Variants in KDM1A observed in about 807,000 individuals in gnomAD.
KDM1A encodes lysine-specific histone demethylase 1A.
Under a neutral mutation model 109.4 loss-of-function variants are expected in KDM1A, and 49 were observed. The ratio of observed to expected loss-of-function variants is 0.45; its 90% CI spans 0.36 to 0.57. KDM1A has a LOEUF of 0.57. KDM1A is among the 20% of genes least tolerant of loss of function. The probability of loss-of-function intolerance (pLI) is 0.00; values close to 1 mark genes in which losing one functional copy is unlikely to be tolerated. For missense variants in KDM1A, 668 were observed against 1,116.6 expected (o/e 0.60, Z 5.73); for synonymous variants, 380 against 415.4 (o/e 0.91, Z 1.04).
intron 15 of KDM1A, 126 bp from the exon 16 acceptor site, chr1:23,077,101 CT>C: frequency 1.2e-6 from 1 of 834,280 alleles, no homozygotes. Flanking sequence ...GTGATTTGTT[CT>C]TTAGTTTGCC....
chr1:23,082,065 T>C, intron 19 of KDM1A, 155 bp from the exon 20 acceptor site: 1 of 712,514 alleles, frequency 1.4e-6, no homozygotes, highest in Non-Finnish European at 2.3e-6. Flanking sequence ...CCATGTGTGT[T>C]TTAAAGCAGG....
intron 3 of KDM1A, among the ~76,000 whole-genome samples, chr1:23,047,289 T>A (rs1415276908): frequency 6.6e-6 from 1 of 152,160 alleles, no homozygotes; most frequent in African/African-American, 2.4e-5. Flanking sequence ...AAAATAAGTA[T>A]CCCTAAACAC....
chr1:23,050,082 T>C (rs151252212), intron 3 of KDM1A, among the ~76,000 whole-genome samples: 14 of 152,358 alleles, frequency 9.2e-5, no homozygotes, highest in Admixed American at 8.5e-4. Context: ...TTAAATTTTA[T>C]TGTACACCTG....
intron 2 of KDM1A, among the ~76,000 whole-genome samples, chr1:23,041,216 G>C (rs968707742): frequency 6.6e-6 from 1 of 152,082 alleles, no homozygotes; most frequent in Non-Finnish European, 1.5e-5. Context: ...GGAGAAGTAG[G>C]CATCTTCAAA....
At chr1:23,022,895 G>A (rs1641683459) in intron 1 of KDM1A, among the ~76,000 whole-genome samples, 1 of 151,838 alleles carries the variant, frequency 6.6e-6, no homozygotes, top group African/African-American at 2.4e-5. Flanking sequence ...CTGGCCTCAA[G>A]CCATCCACCC....
chr1:23,039,623 CCTT>C (rs1239631480), intron 2 of KDM1A, among the ~76,000 whole-genome samples: 7 of 152,326 alleles, frequency 4.6e-5, no homozygotes, highest in African/African-American at 1.7e-4. Context: ...CAGACCATCT[CCTT>C]CTGAAAGTAG....
chr1:23,063,196 T>TGGGGGGGGGGGGGGGGGGG (rs369708466), intron 9 of KDM1A, among the ~76,000 whole-genome samples: 1 of 39,378 alleles, frequency 2.5e-5, no homozygotes, highest in African/African-American at 7.1e-5. Flanking sequence ...GCTGTAGCAT[T>TGGGGGGGGGGGGGGGGGGG]GGGGGGGGGG....
chr1:23,067,534 C>T (rs1334455583), intron 10 of KDM1A, among the ~76,000 whole-genome samples: 3 of 152,182 alleles, frequency 2.0e-5, no homozygotes, highest in Non-Finnish European at 4.4e-5. Flanking sequence ...GGTCGCTCCT[C>T]CTGAGTCTTA....
At chr1:23,023,366 A>G (rs781544250) in intron 1 of KDM1A, among the ~76,000 whole-genome samples, 1 of 152,042 alleles carries the variant, frequency 6.6e-6, no homozygotes, top group Non-Finnish European at 1.5e-5. Flanking sequence ...TATGTCGATG[A>G]TCTTTTCTCA....
chr1:23,032,357 G>A (rs1642009477), intron 2 of KDM1A, among the ~76,000 whole-genome samples: 2 of 149,266 alleles, frequency 1.3e-5, no homozygotes, highest in Admixed American at 1.3e-4. Flanking sequence ...TTTTCTGAAA[G>A]CTTTTTTTTT....
At chr1:23,021,845 T>G (rs1444167466) in intron 1 of KDM1A, among the ~76,000 whole-genome samples, 1 of 152,144 alleles carries the variant, frequency 6.6e-6, no homozygotes, top group Non-Finnish European at 1.5e-5. Context: ...CACTCCCCAG[T>G]CCTCCCTACC....
At chr1:23,019,982 T>C in intron 1 of KDM1A, 35 bp downstream of exon 1, 1 of 1,456,304 alleles carries the variant, frequency 6.9e-7, no homozygotes. Context: ...CGACACCGCC[T>C]GGTGCCGAGC....
chr1:23,050,376 T>C lies in KDM1A; in HGVS notation c.578-11T>C, dbSNP rs760235634. ...GCACTTTTCCTAGATGTCCTTTGCTTTCTTCGTTAGGTGTGGAGGGCGCAG... is the reference window on the plus strand; with the variant it reads ...GCACTTTTCCTAGATGTCCTTTGCTCTCTTCGTTAGGTGTGGAGGGCGCAG... On this transcript the variant is annotated splice_polypyrimidine_tract_variant and intron_variant, in intron 3 of 20. Transcript: ENST00000400181. 6.3e-7 allele frequency: 1 copy of C among 1,596,988 alleles called. No homozygotes were observed. Among genetic ancestry groups the C allele is most frequent in the Non-Finnish European group, 8.5e-7 (1 of 1,173,966 alleles).
At chr1:23,055,276 A>G (rs1642798415) in intron 6 of KDM1A, 115 bp downstream of exon 6, 1 of 428,574 alleles carries the variant, frequency 2.3e-6, no homozygotes, top group Admixed American at 4.0e-5. Flanking sequence ...GACTATATTT[A>G]AAAATATTTC....
intron 2 of KDM1A, among the ~76,000 whole-genome samples, chr1:23,038,312 A>C (rs902921877): frequency 6.6e-6 from 1 of 151,538 alleles, no homozygotes; most frequent in Non-Finnish European, 1.5e-5. Context: ...TCTTGATAAT[A>C]ATCTTTTAAG....
At chr1:23,059,471 A>G (rs756535184) in intron 9 of KDM1A, 27 of 393,174 alleles carry the variant, frequency 6.9e-5, no homozygotes, top group South Asian at 3.2e-4. Flanking sequence ...CAAGGGACTT[A>G]TGGAATTGAA....
chr1:23,077,387 GA>G (rs1341450694), intron 16 of KDM1A, 27 bp downstream of exon 16: 1 of 1,599,924 alleles, frequency 6.3e-7, no homozygotes, highest in East Asian at 2.3e-5. Context: ...CAAAAGGTAA[GA>G]GAGAACTCTC....
intron 2 of KDM1A, among the ~76,000 whole-genome samples, chr1:23,031,018 A>G (rs1228126501): frequency 2.0e-5 from 3 of 152,208 alleles, no homozygotes; most frequent in African/African-American, 4.8e-5. Context: ...TGATTCAGAA[A>G]TTGTTCTGGC....
Position 23,043,477 on chromosome 1 carries a change from C to T in KDM1A, c.518-950C>T, listed in dbSNP as rs370087925. On this transcript the variant is annotated intron_variant, in intron 2 of 20. Coordinates refer to ENST00000400181, the MANE Select transcript of KDM1A (RefSeq NM_001009999.3). ...ATCAATCTGCTTTCTTATTGGGGTA[C>T]GTATTTTAAAATAAACTTTAATGAA... is the stretch of plus-strand genomic sequence containing the variant. Among the ~76,000 whole-genome samples the T allele has an allele frequency of 3.7e-4, 57 of 152,092 alleles. 1 individual carries two copies. The highest frequency in any genetic ancestry group is 1.3e-3 in the Admixed American group (20 of 15,258).
Sources: gnomAD v4.1 joint callset for allele counts (sites outside exome capture counted in the v4.1 genomes callset) on GRCh38, gnomAD v4.1.1 for gene constraint, MANE v1.5 for transcripts, NCBI Gene and HGNC (gene_info 2026-07-23, HGNC 2026-07-21) for gene names.